The following CCDC88C variants were observed in gnomAD, a reference collection of about 807,000 sequenced individuals.
The protein encoded by CCDC88C is coiled-coil and HOOK domain protein 88C.
In CCDC88C, 131 loss-of-function variants were observed where a neutral mutation model predicts 198.8. The ratio of observed to expected loss-of-function variants is 0.66; its 90% CI spans 0.57 to 0.76. The LOEUF (loss-of-function observed/expected upper bound fraction) is 0.76, where lower values mean the gene tolerates loss of function less well. Among genes scored for constraint, CCDC88C ranks in the 30% least tolerant of loss-of-function variants. The pLI, the probability that CCDC88C is intolerant of heterozygous loss-of-function variation, is 0.00. For missense variants in CCDC88C, 2,553 were observed against 2,631.6 expected, an observed-to-expected ratio of 0.97 and a Z score of 0.65; for synonymous variants, 1,166 against 1,114.7, an observed-to-expected ratio of 1.05 and a Z score of -0.92.
In CCDC88C at chr14:91,283,471, G is replaced by A. The variant is rs1291809245; in HGVS notation, c.4488C>T (p.Ser1496=). 48 of 1,613,014 alleles carry A rather than the reference G, an allele frequency of 3.0e-5. No individual in the cohort carries two copies. The highest frequency in any genetic ancestry group is 4.0e-5 in the Non-Finnish European group (47 of 1,179,554). Residue 1496 remains serine (S), a synonymous_variant, in exon 26 of 30, where the codon AGC becomes AGT. Coordinates refer to ENST00000389857, the MANE Select transcript of CCDC88C (RefSeq NM_001080414.4). ...KPKRGSPHRG[S]LDRTDASTDL... is the part of the protein sequence containing the mutation. ...CGGTGGAGGCATCTGTGCGGTCAAG[G>A]CTGCCTCTGTGTGGGGAGCCTCGCT...
intron 22 of CCDC88C, among the ~76,000 whole-genome samples, chr14:91,295,475 C>A (rs1169052143): frequency 2.6e-5 from 4 of 152,364 alleles, no homozygotes; most frequent in African/African-American, 9.6e-5. Context: ...GGAAACTCAG[C>A]TTTGGCCCAA....
At position 91,286,708 on chromosome 14, in the gene CCDC88C, G is replaced by C. The variant is rs910127221; in HGVS notation, c.4441+2397C>G. ...GCTGGTGTCCTTGTGGCCAGTTCAGGGCTAGGCTCTTGTTCGGCATCTTCA... is the reference window on the plus strand; with the variant it reads ...GCTGGTGTCCTTGTGGCCAGTTCAGCGCTAGGCTCTTGTTCGGCATCTTCA... On this transcript the variant is annotated intron_variant, in intron 25 of 29. Transcript: ENST00000389857. Among the ~76,000 whole-genome samples the C allele has an allele frequency of 5.3e-5, 8 of 152,198 alleles. No homozygotes were observed. The South Asian group carries it at 6.2e-4, about 12-fold the overall frequency.
chr14:91,299,095 T>C (rs939434070), intron 21 of CCDC88C, among the ~76,000 whole-genome samples: 1 of 152,230 alleles, frequency 6.6e-6, no homozygotes, highest in Non-Finnish European at 1.5e-5. Flanking sequence ...AAATATAGAA[T>C]TAGGTTCCCG....
At chr14:91,386,565 ATAG>A (rs1461453133) in intron 3 of CCDC88C, among the ~76,000 whole-genome samples, 1 of 152,230 alleles carries the variant, frequency 6.6e-6, no homozygotes, top group Non-Finnish European at 1.5e-5. Flanking sequence ...CACGGTGGCC[ATAG>A]TTCATTCGCC....
chr14:91,347,123 T>A (rs545066420), intron 4 of CCDC88C, among the ~76,000 whole-genome samples: 2 of 152,270 alleles, frequency 1.3e-5, no homozygotes, highest in South Asian at 4.1e-4. Flanking sequence ...GAGACTCACT[T>A]TTTGAAAGGC....
chr14:91,308,846 T>C (rs975093387), intron 16 of CCDC88C, among the ~76,000 whole-genome samples: 1 of 152,176 alleles, frequency 6.6e-6, no homozygotes, highest in Admixed American at 6.5e-5. Flanking sequence ...GTCTAAGGCC[T>C]TTCCACCAGA....
intron 3 of CCDC88C, among the ~76,000 whole-genome samples, chr14:91,377,555 G>C (rs1439345195): frequency 6.6e-6 from 1 of 151,712 alleles, no homozygotes; most frequent in African/African-American, 2.4e-5. Context: ...GCCCCCCCCC[G>C]GTGCCACTTC....
intron 10 of CCDC88C, among the ~76,000 whole-genome samples, chr14:91,330,704 C>T (rs1056528301): frequency 6.6e-6 from 1 of 152,146 alleles, no homozygotes; most frequent in Non-Finnish European, 1.5e-5. Flanking sequence ...GACTCCAGAC[C>T]AGAGACAGGA....
chr14:91,343,569 C>A, intron 5 of CCDC88C, 30 bp downstream of exon 5: 1 of 1,612,938 alleles, frequency 6.2e-7, no homozygotes, highest in South Asian at 1.1e-5. Flanking sequence ...TGGGGTAGGT[C>A]CCTCTGCTGC....
intron 6 of CCDC88C, among the ~76,000 whole-genome samples, chr14:91,340,645 C>G (rs1893278960): frequency 6.6e-6 from 1 of 152,098 alleles, no homozygotes; most frequent in African/African-American, 2.4e-5. Flanking sequence ...GAGACAGGAT[C>G]CATTTCGAGC....
At position 91,339,839 on chromosome 14, in the gene CCDC88C, T is replaced by C; in HGVS notation, c.624+45A>G. 6.5e-7 allele frequency: 1 copy of C among 1,541,180 alleles called. No individual in the cohort carries two copies. On this transcript the variant is annotated intron_variant, in intron 7 of 29. Transcript: ENST00000389857. This position sits in a 1 kb window ranked among gnomAD's most constrained non-coding sequence, Gnocchi z 5.8. ...TGAAGGGAGAGGAGATGAAGGGGCC[T>C]AAGCCCCTTCCCAGGCTGACCGGGC...
chr14:91,327,792 G>T lies in CCDC88C; in HGVS notation c.1051-1736C>A, dbSNP rs147647081. On this transcript the variant is annotated intron_variant, in intron 10 of 29. Transcript: ENST00000389857. ...GACCAGCGTTCCAGCAGGGTCCACC[G>T]CCAGCACTCCCCAGCATCACTACCC... Among the ~76,000 whole-genome samples the T allele has an allele frequency of 4.2e-3, 645 of 152,260 alleles. 9 individuals are homozygous for T. Among genetic ancestry groups the T allele is most frequent in the African/African-American group, 0.015 (604 of 41,548 alleles).
At chr14:91,373,578 G>T (rs1391831518) in intron 3 of CCDC88C, among the ~76,000 whole-genome samples, 1 of 152,168 alleles carries the variant, frequency 6.6e-6, no homozygotes, top group African/African-American at 2.4e-5. Flanking sequence ...CATTACAGGA[G>T]TTTGCAGCAA....
At chr14:91,375,685 G>A (rs982656680) in intron 3 of CCDC88C, among the ~76,000 whole-genome samples, 3 of 152,174 alleles carry the variant, frequency 2.0e-5, no homozygotes, top group African/African-American at 4.8e-5. Flanking sequence ...AAGCAGGATG[G>A]CAGTCTGTGC....
chr14:91,386,781 G>A (rs535463420), intron 3 of CCDC88C, among the ~76,000 whole-genome samples: 4 of 152,246 alleles, frequency 2.6e-5, no homozygotes, highest in African/African-American at 4.8e-5. Context: ...CACGCCCAGC[G>A]CCAAAACAGC....
In CCDC88C at chr14:91,284,211, A is replaced by C. The variant is rs1890312161; in HGVS notation, c.4442-694T>G. ...GGACAGGCTCTCCCAACACAAGATA[A>C]AAATGAACATGGCTGGCATTCCTAA... On this transcript the variant is annotated intron_variant, in intron 25 of 29. Transcript: ENST00000389857. This position sits in a 1 kb window ranked among gnomAD's most constrained non-coding sequence, Gnocchi z 4.1. Among the ~76,000 whole-genome samples, 1 of 152,248 alleles carries C rather than the reference A, an allele frequency of 6.6e-6. No homozygotes were observed. Among genetic ancestry groups the C allele is most frequent in the Non-Finnish European group, 1.5e-5 (1 of 68,030 alleles).
intron 2 of CCDC88C, among the ~76,000 whole-genome samples, chr14:91,416,303 AAC>A (rs1328103482): frequency 3.9e-5 from 6 of 152,212 alleles, no homozygotes; most frequent in Non-Finnish European, 1.5e-5. Context: ...GGAGCTCAGA[AAC>A]ACAGACACCC....
At chr14:91,276,340 T>C (rs951588417) in intron 29 of CCDC88C, among the ~76,000 whole-genome samples, 1 of 152,264 alleles carries the variant, frequency 6.6e-6, no homozygotes, top group East Asian at 1.9e-4. Flanking sequence ...CAGGCCCTCC[T>C]TTGTTTTTCT....
rs371225025 is a variant in CCDC88C at position 91,302,994 on chromosome 14, C to T, written c.3635+707G>A. 1.8e-3 allele frequency among the ~76,000 whole-genome samples: 271 copies of T among 152,338 alleles called. 1 individual carries two copies. The highest frequency in any genetic ancestry group is 5.8e-3 in the African/African-American group (241 of 41,562). On this transcript the variant is annotated intron_variant, in intron 20 of 29. Coordinates refer to ENST00000389857, the MANE Select transcript of CCDC88C (RefSeq NM_001080414.4). ...CTCCACACAGGAGCCCCTCTTACTA[C>T]TGTCTTCAGTTGCACAAATTCCAAA...
Sources: allele counts gnomAD v4.1 joint callset (sites outside exome capture counted in the v4.1 genomes callset), GRCh38; gene constraint gnomAD v4.1.1; non-coding constraint Gnocchi (gnomAD v3.1); transcripts MANE v1.5; gene names NCBI Gene and HGNC (gene_info 2026-07-23, HGNC 2026-07-21).